Variants in SORCS3 observed in about 807,000 individuals in gnomAD.
The protein encoded by SORCS3 is VPS10 domain-containing receptor SorCS3.
SORCS3 carries 57 observed loss-of-function variants against 146.3 expected under a neutral mutation model. That is an observed-to-expected ratio of 0.39 (90% CI 0.31 to 0.49). The LOEUF (loss-of-function observed/expected upper bound fraction) is 0.49. Ranked by LOEUF, SORCS3 falls within the 20% of genes least tolerant of loss-of-function variation. SORCS3 has a pLI of 0.92. For synonymous variants in SORCS3, 653 were observed against 618.5 expected, an observed-to-expected ratio of 1.06 and a Z score of -0.83; for missense variants, 1,341 against 1,575.5, an observed-to-expected ratio of 0.85 and a Z score of 2.52.
chr10:105,107,020 TCA>T (rs1732319632), intron 7 of SORCS3, among the ~76,000 whole-genome samples: 1 of 152,092 alleles, frequency 6.6e-6, no homozygotes, highest in South Asian at 2.1e-4. Flanking sequence ...GACTTTCAAG[TCA>T]GTGAGCTGTG....
In SORCS3 at chr10:105,139,426, C is replaced by T. The variant is rs531557060; in HGVS notation, c.1242C>T (p.Tyr414=). 23 of 1,613,622 alleles carry T rather than the reference C, an allele frequency of 1.4e-5. No individual in the cohort carries two copies. Among genetic ancestry groups the T allele is most frequent in the East Asian group, 4.5e-5 (2 of 44,866 alleles). The change falls in exon 8 of 27, where the codon TAC becomes TAT. Residue 414 remains tyrosine, a synonymous_variant. Transcript: ENST00000369701. ...CAACTAGTGGAAGAGCCAGCTACTACGTGTCTTATCGAAGAGAGGCCTTTG... is the reference window on the plus strand; with the variant it reads ...CAACTAGTGGAAGAGCCAGCTACTATGTGTCTTATCGAAGAGAGGCCTTTG... ...QVTTSGRASY[Y]VSYRREAFAQ...
chr10:104,944,934 A>G (rs1029663343), intron 3 of SORCS3, among the ~76,000 whole-genome samples: 11 of 152,202 alleles, frequency 7.2e-5, no homozygotes, highest in Admixed American at 1.3e-4. Context: ...TCTGGAACCA[A>G]CTCACATATT....
chr10:104,741,925 A>G (rs1486295086), intron 1 of SORCS3, among the ~76,000 whole-genome samples: 1 of 151,456 alleles, frequency 6.6e-6, no homozygotes, highest in East Asian at 2.0e-4. Context: ...AAATTCCAAC[A>G]TCTGTATCCT....
intron 5 of SORCS3, among the ~76,000 whole-genome samples, chr10:105,085,700 G>C (rs989753066): frequency 6.6e-6 from 1 of 152,182 alleles, no homozygotes; most frequent in Non-Finnish European, 1.5e-5. Context: ...GCAAACCTGA[G>C]ATGGAACTAA....
intron 1 of SORCS3, among the ~76,000 whole-genome samples, chr10:104,679,205 G>A (rs2015944662): frequency 6.6e-6 from 1 of 152,072 alleles, no homozygotes; most frequent in African/African-American, 2.4e-5. Flanking sequence ...GCAAGATTTT[G>A]GAATCTACCT....
At chr10:104,686,926 T>TATCC (rs1013825951) in intron 1 of SORCS3, among the ~76,000 whole-genome samples, 3 of 125,144 alleles carry the variant, frequency 2.4e-5, no homozygotes, top group East Asian at 3.0e-4. Flanking sequence ...TCAATCCATC[T>TATCC]ATCCATCCAT....
intron 4 of SORCS3, among the ~76,000 whole-genome samples, chr10:104,993,129 T>C (rs2055004499): frequency 6.6e-6 from 1 of 152,200 alleles, no homozygotes; most frequent in Admixed American, 6.5e-5. Flanking sequence ...GATCTGATGG[T>C]CTGATTGCCT....
intron 2 of SORCS3, among the ~76,000 whole-genome samples, chr10:104,847,763 C>A (rs901174097): frequency 5.9e-5 from 9 of 152,148 alleles, no homozygotes; most frequent in African/African-American, 1.7e-4. Flanking sequence ...TGCTTTATTG[C>A]ACCCACCCTT....
At chr10:105,013,811 C>G (rs1466733769) in intron 4 of SORCS3, among the ~76,000 whole-genome samples, 1 of 151,984 alleles carries the variant, frequency 6.6e-6, no homozygotes, top group Non-Finnish European at 1.5e-5. Context: ...CTTATAGGAA[C>G]TTATCAAACT....
At chr10:105,014,022 T>C (rs958826575) in intron 4 of SORCS3, among the ~76,000 whole-genome samples, 8 of 148,274 alleles carry the variant, frequency 5.4e-5, no homozygotes, top group East Asian at 3.9e-4. Flanking sequence ...CATGGGAAAA[T>C]TGACAAATGG....
intron 4 of SORCS3, among the ~76,000 whole-genome samples, chr10:104,990,181 G>A (rs1268601322): frequency 1.3e-5 from 2 of 152,180 alleles, no homozygotes; most frequent in African/African-American, 4.8e-5. Context: ...AGAATTTGGT[G>A]TATAGATACC....
chr10:104,687,489 C>T (rs2016058721), intron 1 of SORCS3, among the ~76,000 whole-genome samples: 1 of 152,106 alleles, frequency 6.6e-6, no homozygotes. Context: ...AGAGGCCACC[C>T]CAAACATAAA....
chr10:104,777,893 G>T (rs542414136), intron 1 of SORCS3, among the ~76,000 whole-genome samples: 7 of 152,068 alleles, frequency 4.6e-5, no homozygotes, highest in Admixed American at 3.9e-4. Context: ...TGTTAAAAAA[G>T]TATCAATTTT....
chr10:105,182,489 C>A (rs1434098381), intron 14 of SORCS3, among the ~76,000 whole-genome samples: 1 of 151,938 alleles, frequency 6.6e-6, no homozygotes, highest in Non-Finnish European at 1.5e-5. Context: ...TCAAGGAGTA[C>A]CAAGATGTGT....
intron 1 of SORCS3, among the ~76,000 whole-genome samples, chr10:104,813,850 A>T (rs1056049064): frequency 2.0e-5 from 3 of 152,076 alleles, no homozygotes; most frequent in Admixed American, 6.5e-5. Context: ...CATTTTGGAA[A>T]TTCTAAAATC....
At chr10:105,143,633 A>G (rs1048444878) in intron 8 of SORCS3, among the ~76,000 whole-genome samples, 2 of 152,222 alleles carry the variant, frequency 1.3e-5, no homozygotes, top group African/African-American at 4.8e-5. Context: ...AGATAAAGTG[A>G]TACATCAGAG....
At chr10:104,714,250 C>T (rs996843261) in intron 1 of SORCS3, among the ~76,000 whole-genome samples, 11 of 152,090 alleles carry the variant, frequency 7.2e-5, no homozygotes, top group Middle Eastern at 3.4e-3. Context: ...TTCAAGTTCA[C>T]TGAATTTTGC....
At chr10:105,214,365 A>AACGCAC (rs2056652237) in intron 17 of SORCS3, 77 bp from the exon 18 acceptor site, 2 of 1,433,418 alleles carry the variant, frequency 1.4e-6, no homozygotes, top group Non-Finnish European at 1.9e-6. Flanking sequence ...TTCCCTTTAT[A>AACGCAC]ACACACACAC....
At chr10:105,139,373 C>T in intron 7 of SORCS3, 24 bp from the exon 8 acceptor site, 1 of 1,584,824 alleles carries the variant, frequency 6.3e-7, no homozygotes, top group Non-Finnish European at 8.7e-7. Flanking sequence ...CATCTGATCT[C>T]TTTGTGTTTC....
Sources: allele counts gnomAD v4.1 joint callset (sites outside exome capture counted in the v4.1 genomes callset), GRCh38; gene constraint gnomAD v4.1.1; transcripts MANE v1.5; gene names NCBI Gene and HGNC (gene_info 2026-07-23, HGNC 2026-07-21).